Variants in SYNE2 observed in about 807,000 individuals in gnomAD.
SYNE2 encodes the protein spectrin repeat containing nuclear envelope protein 2.
Under a neutral mutation model 856.3 loss-of-function variants are expected in SYNE2, and 431 were observed. The observed-to-expected ratio is 0.50, with a 90% CI of 0.47 to 0.55. The LOEUF is 0.55. Among genes scored for constraint, SYNE2 ranks in the 20% least tolerant of loss-of-function variants. The pLI is 0.00. For synonymous variants in SYNE2, 2,923 were observed against 2,872.3 expected, an observed-to-expected ratio of 1.02 and a Z score of -0.56; for missense variants, 8,129 against 8,023.2, an observed-to-expected ratio of 1.01 and a Z score of -0.50.
intron 1 of SYNE2, among the ~76,000 whole-genome samples, chr14:63,831,438 C>T (rs994649141): frequency 6.8e-6 from 1 of 147,478 alleles, no homozygotes; most frequent in Non-Finnish European, 1.5e-5. Flanking sequence ...GACATTTGCT[C>T]TTGATTTTTG....
intron 1 of SYNE2, among the ~76,000 whole-genome samples, chr14:63,784,637 G>A (rs550384217): frequency 6.6e-6 from 1 of 151,930 alleles, no homozygotes; most frequent in Non-Finnish European, 1.5e-5. Context: ...TGGGATTACA[G>A]GAATGAGCCA....
intron 1 of SYNE2, among the ~76,000 whole-genome samples, chr14:63,788,554 C>A (rs982903039): frequency 2.6e-5 from 4 of 151,934 alleles, no homozygotes; most frequent in Non-Finnish European, 5.9e-5. Context: ...GAGCGGGGCT[C>A]CTGCCTGCTC....
intron 19 of SYNE2, among the ~76,000 whole-genome samples, chr14:63,988,312 A>C (rs1594694653): frequency 6.6e-6 from 1 of 152,316 alleles, no homozygotes; most frequent in Non-Finnish European, 1.5e-5. Flanking sequence ...TCCTGGGCTC[A>C]AGTGATTTGC....
intron 2 of SYNE2, among the ~76,000 whole-genome samples, chr14:63,910,223 G>A (rs776165755): frequency 1.1e-4 from 17 of 152,044 alleles, no homozygotes; most frequent in Non-Finnish European, 2.4e-4. Flanking sequence ...AGTCATTTAT[G>A]GTAAAGATGC....
At chr14:63,773,432 C>T (rs1466290460) in intron 1 of SYNE2, among the ~76,000 whole-genome samples, 1 of 152,036 alleles carries the variant, frequency 6.6e-6, no homozygotes, top group Non-Finnish European at 1.5e-5. Flanking sequence ...AACTCCTGGG[C>T]TCAAGCAATC....
At chr14:63,875,951 A>G (rs937208338) in intron 1 of SYNE2, among the ~76,000 whole-genome samples, 4 of 152,084 alleles carry the variant, frequency 2.6e-5, no homozygotes, top group African/African-American at 7.2e-5. Flanking sequence ...GCCAAAGTGC[A>G]TGTTGCAAGG....
Position 63,985,873 on chromosome 14 carries a change from T to G in SYNE2, c.2152-583T>G, listed in dbSNP as rs556377560. ...AATATAAAAACTTAGCTAGACGTAGTGGCATACACCTGTAATTCCAGCCAC... is the reference window on the plus strand; with the variant it reads ...AATATAAAAACTTAGCTAGACGTAGGGGCATACACCTGTAATTCCAGCCAC... On this transcript the variant is annotated intron_variant, in intron 18 of 115. Transcript: ENST00000555002. Among the ~76,000 whole-genome samples, 42 of 152,190 alleles carry G rather than the reference T, an allele frequency of 2.8e-4. No individual in the cohort carries two copies. In the South Asian group the frequency reaches 8.7e-3, roughly 32 times the overall value.
intron 84 of SYNE2, among the ~76,000 whole-genome samples, 191 bp from the exon 85 acceptor site, chr14:64,152,373 C>T (rs1281052830): frequency 6.6e-6 from 1 of 152,108 alleles, no homozygotes; most frequent in African/African-American, 2.4e-5. Context: ...CCTAGATTCT[C>T]CTAAAATACA....
chr14:63,764,857 C>T (rs1254894529), intron 1 of SYNE2, among the ~76,000 whole-genome samples: 6 of 152,060 alleles, frequency 3.9e-5, no homozygotes, highest in Admixed American at 2.6e-4. Context: ...CTGAGGTGGG[C>T]AGACTGCTTG....
intron 1 of SYNE2, among the ~76,000 whole-genome samples, chr14:63,886,449 T>G (rs528333069): frequency 1.8e-3 from 275 of 152,354 alleles, no homozygotes; most frequent in Middle Eastern, 0.017. Context: ...TTTTTTTAAA[T>G]AATAGACTTT....
At chr14:64,037,847 C>T (rs1296387524) in intron 45 of SYNE2, among the ~76,000 whole-genome samples, 1 of 148,292 alleles carries the variant, frequency 6.7e-6, no homozygotes, top group Non-Finnish European at 1.5e-5. Context: ...GGGGGGCTGA[C>T]ACCCCCACCT....
chr14:63,845,258 T>C (rs565968798), intron 1 of SYNE2, among the ~76,000 whole-genome samples: 1 of 151,550 alleles, frequency 6.6e-6, no homozygotes, highest in South Asian at 2.1e-4. Flanking sequence ...TCTACTAAAA[T>C]TACAAAAATT....
chr14:63,963,647 C>A (rs1276788414), intron 9 of SYNE2, among the ~76,000 whole-genome samples: 1 of 152,182 alleles, frequency 6.6e-6, no homozygotes, highest in African/African-American at 2.4e-5. Context: ...GAATAATGTT[C>A]TCCAAGCCAA....
intron 1 of SYNE2, among the ~76,000 whole-genome samples, chr14:63,883,745 C>T (rs913754661): frequency 5.9e-5 from 9 of 152,180 alleles, no homozygotes; most frequent in African/African-American, 2.2e-4. Context: ...CCCTCCTCTA[C>T]AGGGCTATTT....
At chr14:63,858,896 A>G (rs185344550) in intron 1 of SYNE2, among the ~76,000 whole-genome samples, 2 of 152,324 alleles carry the variant, frequency 1.3e-5, no homozygotes, top group Admixed American at 6.5e-5. Flanking sequence ...TATCTAAGAA[A>G]TCTGCCTAAT....
intron 84 of SYNE2, among the ~76,000 whole-genome samples, chr14:64,151,474 CAAAA>C (rs140350904): frequency 4.7e-4 from 8 of 16,972 alleles, no homozygotes; most frequent in Non-Finnish European, 7.9e-4. Context: ...AAGCAATTTT[CAAAA>C]AAAAAGCTGG....
rs1215962448 is a variant in SYNE2, at chr14:63,977,963, A to G, written c.1352A>G (p.Asp451Gly). The G allele has an allele frequency of 1.2e-6, 2 of 1,614,062 alleles. No individual in the cohort carries two copies. The highest frequency in any genetic ancestry group is 2.2e-5 in the East Asian group (1 of 44,862). ...ATTCTCCTTACCTTTGAAAATAAGG[A>G]TGAAAATCACTTGCCATTGGTACCA... ...SNILLTFENK[D>G]ENHLPLVPPN... The change falls in exon 13 of 116, where the codon GAT becomes GGT. Residue 451 changes from aspartate to glycine, a missense_variant. Around this residue, in one of 3 missense-constraint regions of SYNE2, gnomAD observed 2,422 missense variants for 2,357.4 expected, o/e 1.03. Coordinates refer to ENST00000555002, the MANE Select transcript of SYNE2 (RefSeq NM_182914.3).
At chr14:64,139,414 AT>A (rs563352003) in intron 79 of SYNE2, among the ~76,000 whole-genome samples, 2,048 of 144,552 alleles carry the variant, frequency 0.014, 20 homozygotes, top group South Asian at 0.024. Flanking sequence ...TATTATTATT[AT>A]TTTTTTTTTT....
At chr14:64,191,242 C>G (rs1240729182) in intron 99 of SYNE2, 2 of 234,610 alleles carry the variant, frequency 8.5e-6, no homozygotes, top group Non-Finnish European at 1.6e-5. Context: ...TCATTGTTTA[C>G]TGGAAACCAC....
Sources: allele counts gnomAD v4.1 joint callset (sites outside exome capture counted in the v4.1 genomes callset), GRCh38; gene constraint gnomAD v4.1.1; regional missense constraint gnomAD v4.1.1; transcripts MANE v1.5; gene names NCBI Gene and HGNC (gene_info 2026-07-23, HGNC 2026-07-21).